Variants in PAPPA observed in about 807,000 individuals in gnomAD.
The protein encoded by PAPPA is pappalysin 1.
Under a neutral mutation model 164.0 loss-of-function variants are expected in PAPPA, and 60 were observed. The ratio of observed to expected loss-of-function variants is 0.37; its 90% CI spans 0.30 to 0.45. PAPPA has a LOEUF of 0.45. Among genes scored for constraint, PAPPA ranks in the 20% least tolerant of loss-of-function variants. The probability of loss-of-function intolerance (pLI) is 1.00; values close to 1 mark genes in which losing one functional copy is unlikely to be tolerated. For missense variants in PAPPA, 1,782 were observed against 2,087.3 expected (o/e 0.85, Z 2.85); for synonymous variants, 875 against 814.1 (o/e 1.07, Z -1.27).
rs868443182 is a variant in PAPPA at position 116,187,214 on chromosome 9, C to T, written c.476C>T (p.Thr159Ile). Reference protein sequence around the residue: ...RDRGWVVGIHTISDQDNKDPR... With the variant: ...RDRGWVVGIHIISDQDNKDPR... ...CGAGGATGGGTCGTGGGCATTCACA[C>T]CATCAGTGACCAAGACAACAAAGAC... Residue 159 changes from threonine to isoleucine, a missense_variant, in exon 2 of 22, where the codon ACC (threonine) becomes ATC (isoleucine). Thr to Ile is a moderately conservative substitution (Grantham distance 89). Around this residue, in one of 2 missense-constraint regions of PAPPA, gnomAD observed 458 missense variants for 430.3 expected, o/e 1.06. Transcript: ENST00000328252. This position sits in a 1 kb window ranked among gnomAD's most constrained non-coding sequence, Gnocchi z 4.2. 6.2e-7 allele frequency: 1 copy of T among 1,614,170 alleles called. No individual in the cohort carries two copies. The highest frequency in any genetic ancestry group is 2.2e-5 in the East Asian group (1 of 44,886).
chr9:116,333,561 G>T (rs1259787844), intron 12 of PAPPA, among the ~76,000 whole-genome samples: 2 of 152,146 alleles, frequency 1.3e-5, no homozygotes, highest in African/African-American at 2.4e-5. Flanking sequence ...GGTCATTTCA[G>T]GGTCAGATAA....
chr9:116,370,279 C>T (rs923708005), intron 19 of PAPPA, among the ~76,000 whole-genome samples: 2 of 152,150 alleles, frequency 1.3e-5, no homozygotes, highest in African/African-American at 4.8e-5. Context: ...CACACACGTA[C>T]GACCACACAC....
intron 10 of PAPPA, among the ~76,000 whole-genome samples, chr9:116,313,325 C>T (rs1021220201): frequency 6.6e-6 from 1 of 152,116 alleles, no homozygotes; most frequent in Non-Finnish European, 1.5e-5. Context: ...AAACATGACT[C>T]ATATGTGCAG....
chr9:116,332,536 G>A, intron 12 of PAPPA, 68 bp downstream of exon 12: 1 of 1,417,836 alleles, frequency 7.1e-7, no homozygotes, highest in Non-Finnish European at 9.8e-7. Flanking sequence ...ATAACTAGTT[G>A]TGAGGATCAG....
chr9:116,322,848 G>A (rs936166737), intron 10 of PAPPA, among the ~76,000 whole-genome samples: 1 of 152,074 alleles, frequency 6.6e-6, no homozygotes, highest in Non-Finnish European at 1.5e-5. Flanking sequence ...TACTGTTAGT[G>A]TCAGTATCCA....
intron 10 of PAPPA, among the ~76,000 whole-genome samples, chr9:116,330,531 G>A (rs987066385): frequency 3.3e-5 from 5 of 152,062 alleles, no homozygotes; most frequent in Non-Finnish European, 7.4e-5. Flanking sequence ...AATCCTGCTT[G>A]TCTATAAATG....
intron 7 of PAPPA, among the ~76,000 whole-genome samples, chr9:116,264,848 A>G (rs1286827257): frequency 6.6e-6 from 1 of 152,094 alleles, no homozygotes; most frequent in Non-Finnish European, 1.5e-5. Flanking sequence ...AGGGAGGGGG[A>G]TGTGGTCGTG....
intron 7 of PAPPA, among the ~76,000 whole-genome samples, chr9:116,240,600 G>C (rs1258274862): frequency 6.6e-6 from 1 of 152,192 alleles, no homozygotes; most frequent in Non-Finnish European, 1.5e-5. Flanking sequence ...TGTACTATGT[G>C]TCAAGCACTA....
intron 15 of PAPPA, among the ~76,000 whole-genome samples, chr9:116,351,431 T>C (rs557068438): frequency 6.6e-6 from 1 of 152,304 alleles, no homozygotes; most frequent in South Asian, 2.1e-4. Flanking sequence ...GACAACACTT[T>C]TATAGGCACT....
At chr9:116,171,593 AGCCTCTGAAACAT>A (rs1843776671) in intron 1 of PAPPA, among the ~76,000 whole-genome samples, 1 of 152,096 alleles carries the variant, frequency 6.6e-6, no homozygotes, top group African/African-American at 2.4e-5. Flanking sequence ...AGCTCAAACA[AGCCTCTGAAACAT>A]GCCTCTGATT....
intron 7 of PAPPA, among the ~76,000 whole-genome samples, chr9:116,235,878 C>T (rs1368666593): frequency 2.0e-5 from 3 of 152,116 alleles, no homozygotes; most frequent in East Asian, 1.9e-4. Context: ...TGACCTTAAG[C>T]CTCATAAGCC....
intron 21 of PAPPA, among the ~76,000 whole-genome samples, chr9:116,384,844 A>G (rs1311928143): frequency 1.3e-5 from 2 of 152,182 alleles, no homozygotes; most frequent in Non-Finnish European, 2.9e-5. Flanking sequence ...TTGAAATAGA[A>G]GTTTTTACAG....
Position 116,347,305 on chromosome 9 carries a change from G to C in PAPPA, c.3964+96G>C, listed in dbSNP as rs1846224388. ...TCTTTCTGGGTCTCAAACACCAAGG[G>C]TGGGATGGGTTTTATCTATGCTCCT... On this transcript the variant is annotated intron_variant, in intron 15 of 21. Coordinates refer to ENST00000328252, the MANE Select transcript of PAPPA (RefSeq NM_002581.5). This position sits in a 1 kb window ranked among gnomAD's most constrained non-coding sequence, Gnocchi z 4.5. 6.5e-6 allele frequency: 7 copies of C among 1,072,850 alleles called. No individual in the cohort carries two copies. The highest frequency in any genetic ancestry group is 9.4e-6 in the Non-Finnish European group (7 of 743,998). 66.5% of individuals were successfully genotyped at this position (1,072,850 alleles called of 1,614,324 possible). A position where few individuals can be genotyped will look rare whatever the true frequency, so the allele number is the denominator to read the frequency against.
intron 14 of PAPPA, among the ~76,000 whole-genome samples, chr9:116,345,436 GA>G (rs55953344): frequency 0.019 from 2,763 of 142,966 alleles, 76 homozygotes; most frequent in African/African-American, 0.062. Context: ...ACATTGATGA[GA>G]AAAAAAAAAA....
At chr9:116,376,013 C>A (rs9697050) in intron 19 of PAPPA, among the ~76,000 whole-genome samples, 21,527 of 143,096 alleles carry the variant, frequency 0.15, 1,616 homozygotes, top group East Asian at 0.22. Flanking sequence ...GAAAAGGGAA[C>A]TTCCAGGATT....
At chr9:116,290,941 G>A (rs1845428623) in intron 9 of PAPPA, among the ~76,000 whole-genome samples, 1 of 151,874 alleles carries the variant, frequency 6.6e-6, no homozygotes, top group Non-Finnish European at 1.5e-5. Context: ...TTCTGTTTGT[G>A]GTTAGAATGC....
intron 7 of PAPPA, among the ~76,000 whole-genome samples, chr9:116,258,684 A>C (rs569287443): frequency 1.3e-5 from 2 of 152,044 alleles, no homozygotes; most frequent in Non-Finnish European, 2.9e-5. Context: ...GAAAAAAAAA[A>C]TTATGAAAGT....
At chr9:116,247,497 T>C (rs1778582590) in intron 7 of PAPPA, among the ~76,000 whole-genome samples, 1 of 152,204 alleles carries the variant, frequency 6.6e-6, no homozygotes, top group African/African-American at 2.4e-5. Flanking sequence ...GCAATGTGTG[T>C]CCTGGTGTCA....
At chr9:116,336,044 G>A (rs1386031575) in intron 13 of PAPPA, among the ~76,000 whole-genome samples, 2 of 152,158 alleles carry the variant, frequency 1.3e-5, no homozygotes, top group African/African-American at 4.8e-5. Flanking sequence ...TCATGCATCT[G>A]ACATGTCCAA....
Sources: allele counts gnomAD v4.1 joint callset (sites outside exome capture counted in the v4.1 genomes callset), GRCh38; gene constraint gnomAD v4.1.1; regional missense constraint gnomAD v4.1.1; non-coding constraint Gnocchi (gnomAD v3.1); transcripts MANE v1.5; gene names NCBI Gene and HGNC (gene_info 2026-07-23, HGNC 2026-07-21).